NBAS: variants seen among roughly 807,000 people sequenced by gnomAD.
NBAS encodes the protein NAG/BC035112 fusion.
Under a neutral mutation model 302.5 loss-of-function variants are expected in NBAS, and 219 were observed. The ratio of observed to expected loss-of-function variants is 0.72; its 90% confidence interval spans 0.65 to 0.81. The LOEUF (loss-of-function observed/expected upper bound fraction) is 0.81. Ranked by LOEUF, NBAS falls within the 30% of genes least tolerant of loss-of-function variation. The pLI is 0.00. For missense variants in NBAS, 2,932 were observed against 2,841.6 expected, an observed-to-expected ratio of 1.03 and a Z score of -0.72; for synonymous variants, 1,118 against 1,021.6, an observed-to-expected ratio of 1.09 and a Z score of -1.80.
At chr2:14,839,821 CCAGA>C in the NBAS span, among the ~76,000 whole-genome samples, 2 of 151,810 alleles carry the variant, frequency 1.3e-5, no homozygotes, top group South Asian at 2.1e-4. Flanking sequence ...CAAACAAAAG[CCAGA>C]CAAAGAAGAC....
intron 9 of NBAS, among the ~76,000 whole-genome samples, chr2:15,532,510 A>C (rs985385472): frequency 1.3e-5 from 2 of 148,934 alleles, no homozygotes; most frequent in Non-Finnish European, 3.0e-5. Flanking sequence ...AAAAAAAAAA[A>C]CTATAAAATT....
At chr2:14,800,599 C>T in the NBAS span, among the ~76,000 whole-genome samples, 22 of 152,270 alleles carry the variant, frequency 1.4e-4, no homozygotes, top group African/African-American at 4.8e-4. Context: ...GTACATAGTA[C>T]ACATCTTCAA....
the NBAS span, among the ~76,000 whole-genome samples, chr2:15,059,973 A>C: frequency 2.3e-5 from 1 of 43,992 alleles, no homozygotes; most frequent in Admixed American, 1.9e-4. Flanking sequence ...ACAAAAAAAA[A>C]AACAAAAAAA....
intron 35 of NBAS, among the ~76,000 whole-genome samples, chr2:15,337,364 C>T (rs1299999932): frequency 4.0e-5 from 6 of 151,560 alleles, no homozygotes; most frequent in East Asian, 3.9e-4. Context: ...ATATGCTGCT[C>T]GGGAGATGAG....
In NBAS at chr2:15,511,344, T is replaced by C. The variant is rs1384120906; in HGVS notation, c.753A>G (p.Leu251=). 6.2e-7 allele frequency: 1 copy of C among 1,613,638 alleles called. No homozygotes were observed. Among genetic ancestry groups the C allele is most frequent in the Admixed American group, 1.7e-5 (1 of 59,974 alleles). The change falls in exon 10 of 52, where the codon TTA becomes TTG. Residue 251 remains leucine, a synonymous_variant. Transcript: ENST00000281513. The part of the protein sequence containing the change: ...TAIYHPGHRL[L]LVGGCETAEV... ...CAGCAGTTTCACATCCACCAACAAG[T>C]AAAAGTCTAAAAAGGAGAAAATTTT... is the stretch of plus-strand genomic sequence containing the variant.
the NBAS span, among the ~76,000 whole-genome samples, chr2:15,033,010 T>C: frequency 6.6e-6 from 1 of 152,108 alleles, no homozygotes; most frequent in Admixed American, 6.6e-5. Context: ...CTACCCAAAG[T>C]CTTAAGAACT....
intron 47 of NBAS, among the ~76,000 whole-genome samples, chr2:15,220,001 C>T: frequency 6.7e-6 from 1 of 149,932 alleles, no homozygotes; most frequent in Non-Finnish European, 1.5e-5. Flanking sequence ...CCCCTCACCT[C>T]CCGGACGGGG....
intron 35 of NBAS, among the ~76,000 whole-genome samples, chr2:15,343,427 T>G (rs1007132815): frequency 6.6e-6 from 1 of 152,120 alleles, no homozygotes; most frequent in South Asian, 2.1e-4. Context: ...CCAGAGCACA[T>G]GGGGAAAAAT....
rs1677363996 is a variant in NBAS, at chr2:15,424,410, C to A, written c.2482G>T (p.Glu828Ter). The change falls in exon 23 of 52, where the codon GAG (glutamate) becomes TAG (stop). Residue 828 changes from glutamate to a stop codon, truncating the protein, a stop_gained. Coordinates refer to ENST00000281513, the MANE Select transcript of NBAS (RefSeq NM_015909.4). LOFTEE classifies it high-confidence loss of function. The part of the protein sequence containing the change: ...ESEFLYAAQP[E>*]LLRFRMTQLT... The stretch of plus-strand genomic sequence containing the variant: ...TGGGTCATCCTGAACCTTAGTAACT[C>A]AGGCTGTGCAGCATACAAGAATTCA... 1 of 1,614,138 alleles carries A rather than the reference C, an allele frequency of 6.2e-7. No individual in the cohort carries two copies. The highest frequency in any genetic ancestry group is 8.5e-7 in the Non-Finnish European group (1 of 1,179,988).
intron 26 of NBAS, chr2:15,397,599 A>G (rs1451194581): frequency 3.7e-5 from 23 of 615,164 alleles, no homozygotes; most frequent in Non-Finnish European, 6.6e-5. Flanking sequence ...GGAAGCACAT[A>G]GGTTTCAAAG....
chr2:14,846,688 T>TAGAG, the NBAS span, among the ~76,000 whole-genome samples: 6 of 152,068 alleles, frequency 3.9e-5, no homozygotes, highest in Admixed American at 3.9e-4. Context: ...GGTAAAGTTA[T>TAGAG]AGAGTTTTTA....
At chr2:15,248,172 T>C (rs1349627171) in intron 44 of NBAS, among the ~76,000 whole-genome samples, 1 of 152,104 alleles carries the variant, frequency 6.6e-6, no homozygotes, top group African/African-American at 2.4e-5. Context: ...CGCAACTACA[T>C]GGAAACAGAA....
At chr2:14,818,664 C>A in the NBAS span, among the ~76,000 whole-genome samples, 3 of 152,092 alleles carry the variant, frequency 2.0e-5, no homozygotes, top group Admixed American at 2.0e-4. Flanking sequence ...CAGTCCTTAC[C>A]GTGTCAAGGT....
the NBAS span, among the ~76,000 whole-genome samples, chr2:15,099,485 TA>T: frequency 2.0e-5 from 3 of 152,112 alleles, no homozygotes; most frequent in Admixed American, 6.6e-5. Flanking sequence ...AGGAAGAAGT[TA>T]TTTAATTTCA....
the NBAS span, among the ~76,000 whole-genome samples, chr2:15,156,749 A>C: frequency 5.3e-4 from 80 of 152,310 alleles, 1 homozygote; most frequent in South Asian, 0.012. Flanking sequence ...CAAAAGCTAA[A>C]CTGGACTGTG....
chr2:15,262,217 G>C (rs1182422001), intron 44 of NBAS, among the ~76,000 whole-genome samples: 1 of 152,200 alleles, frequency 6.6e-6, no homozygotes, highest in Non-Finnish European at 1.5e-5. Flanking sequence ...GTTATTACCA[G>C]GTATCGTCCT....
chr2:14,932,330 G>C, the NBAS span, among the ~76,000 whole-genome samples: 1 of 152,238 alleles, frequency 6.6e-6, no homozygotes, highest in East Asian at 1.9e-4. Flanking sequence ...TAGAAGTCCA[G>C]AGTCCCCCTA....
chr2:15,528,187 T>C (rs182210510), intron 9 of NBAS, among the ~76,000 whole-genome samples: 53 of 151,970 alleles, frequency 3.5e-4, no homozygotes, highest in Non-Finnish European at 1.5e-5. Context: ...ATGTCCATCA[T>C]ATCCGGATTG....
At chr2:15,441,056 A>G (rs1678368206) in intron 21 of NBAS, among the ~76,000 whole-genome samples, 1 of 152,206 alleles carries the variant, frequency 6.6e-6, no homozygotes, top group South Asian at 2.1e-4. Flanking sequence ...TGACGGGGAG[A>G]ATGGAACCAA....
Sources: gnomAD v4.1 joint callset for allele counts (sites outside exome capture counted in the v4.1 genomes callset) on GRCh38, gnomAD v4.1.1 for gene constraint, MANE v1.5 for transcripts, NCBI Gene and HGNC (gene_info 2026-07-23, HGNC 2026-07-21) for gene names.